RBM20: variants seen among roughly 807,000 people sequenced by gnomAD.
The protein encoded by RBM20 is RNA binding motif protein 20.
RBM20 carries 51 observed loss-of-function variants against 110.1 expected under a neutral mutation model. That is an observed-to-expected ratio of 0.46 (90% CI 0.37 to 0.59). The LOEUF is 0.59. Among genes scored for constraint, RBM20 ranks in the 20% least tolerant of loss-of-function variants. The probability of loss-of-function intolerance (pLI) is 0.00; values close to 1 mark genes in which losing one functional copy is unlikely to be tolerated. For missense variants in RBM20, 1,512 were observed against 1,574.9 expected, an observed-to-expected ratio of 0.96 and a Z score of 0.68; for synonymous variants, 589 against 618.2, an observed-to-expected ratio of 0.95 and a Z score of 0.70.
At chr10:110,662,012 G>GA (rs991849689) in intron 1 of RBM20, among the ~76,000 whole-genome samples, 96 of 145,200 alleles carry the variant, frequency 6.6e-4, no homozygotes, top group African/African-American at 9.4e-4. Flanking sequence ...CTGGTCTCAG[G>GA]AAAAAAAAAA....
At chr10:110,820,930 C>T (rs931126520) in intron 10 of RBM20, among the ~76,000 whole-genome samples, 1 of 152,148 alleles carries the variant, frequency 6.6e-6, no homozygotes, top group African/African-American at 2.4e-5. Flanking sequence ...TTAGTGATGA[C>T]CCAGATGCAA....
intron 9 of RBM20, among the ~76,000 whole-genome samples, chr10:110,816,801 C>G (rs12573386): frequency 0.31 from 47,246 of 152,088 alleles, 7,974 homozygotes; most frequent in Non-Finnish European, 0.38. Context: ...GGCCTGGCTT[C>G]TGAGAACCAG....
intron 1 of RBM20, among the ~76,000 whole-genome samples, chr10:110,683,699 A>G (rs1461317830): frequency 6.6e-6 from 1 of 152,230 alleles, no homozygotes; most frequent in East Asian, 1.9e-4. Flanking sequence ...AAGACTTCCA[A>G]TTCAACTTTC....
chr10:110,787,414 G>A (rs1002692207), intron 5 of RBM20, among the ~76,000 whole-genome samples: 6 of 152,188 alleles, frequency 3.9e-5, no homozygotes, highest in African/African-American at 1.2e-4. Context: ...CTTGAGTAAC[G>A]AGCGCTTTTA....
At chr10:110,785,446 C>T (rs1016235693) in intron 5 of RBM20, among the ~76,000 whole-genome samples, 6 of 152,094 alleles carry the variant, frequency 3.9e-5, no homozygotes, top group Admixed American at 2.6e-4. Flanking sequence ...GTCGCAGCTA[C>T]TTGGGAGGCT....
Position 110,739,835 on chromosome 10 carries a change from G to A in RBM20, c.192-40966G>A, listed in dbSNP as rs1171782889. Among the ~76,000 whole-genome samples the A allele has an allele frequency of 6.6e-6, 1 of 152,234 alleles. No individual in the cohort carries two copies. The highest frequency in any genetic ancestry group is 1.5e-5 in the Non-Finnish European group (1 of 68,038). ...GATTGTTGCGGTCATGAAGGCATGAGGCTTCTGTGCGACCTGGGTGACTAA... is the reference window on the plus strand; with the variant it reads ...GATTGTTGCGGTCATGAAGGCATGAAGCTTCTGTGCGACCTGGGTGACTAA... On this transcript the variant is annotated intron_variant, in intron 1 of 13. Transcript: ENST00000369519. The surrounding 1 kb of genome is among the most constrained non-coding windows in gnomAD (Gnocchi z 4.1).
At chr10:110,760,247 G>A (rs561360707) in intron 1 of RBM20, among the ~76,000 whole-genome samples, 4 of 152,170 alleles carry the variant, frequency 2.6e-5, no homozygotes, top group South Asian at 2.1e-4. Flanking sequence ...AGTGCTTCAC[G>A]AAGATCCCTC....
At chr10:110,728,944 G>A (rs1843592266) in intron 1 of RBM20, among the ~76,000 whole-genome samples, 1 of 152,184 alleles carries the variant, frequency 6.6e-6, no homozygotes, top group Non-Finnish European at 1.5e-5. Context: ...TCACACCCAG[G>A]CTGTGTGATC....
chr10:110,801,521 T>C (rs1282976076), intron 7 of RBM20, among the ~76,000 whole-genome samples: 1 of 152,062 alleles, frequency 6.6e-6, no homozygotes, highest in Non-Finnish European at 1.5e-5. Flanking sequence ...GAGAGTATCA[T>C]GGTTTATCAC....
intron 1 of RBM20, among the ~76,000 whole-genome samples, chr10:110,684,133 G>T (rs1257394680): frequency 6.6e-6 from 1 of 152,208 alleles, no homozygotes; most frequent in Non-Finnish European, 1.5e-5. Context: ...AGTGGCTCAT[G>T]CCTGTAATCC....
chr10:110,643,298 T>C (rs543015612), upstream of RBM20, among the ~76,000 whole-genome samples: 1 of 151,744 alleles, frequency 6.6e-6, no homozygotes, highest in African/African-American at 2.4e-5. Context: ...CCGCTTTCTC[T>C]GGTCTTTCTC....
chr10:110,677,607 C>T (rs1407893899), intron 1 of RBM20, among the ~76,000 whole-genome samples: 6 of 152,160 alleles, frequency 3.9e-5, no homozygotes, highest in Admixed American at 2.0e-4. Flanking sequence ...CGTGAGCCAC[C>T]GCGCCCAGCC....
chr10:110,766,954 G>A (rs1217657907), intron 1 of RBM20, among the ~76,000 whole-genome samples: 10 of 65,808 alleles, frequency 1.5e-4, no homozygotes, highest in African/African-American at 5.2e-4. Context: ...CGGGCGGGGG[G>A]TGACCCCCCC....
chr10:110,738,517 C>G (rs1450967141), intron 1 of RBM20, among the ~76,000 whole-genome samples: 1 of 152,158 alleles, frequency 6.6e-6, no homozygotes, highest in Non-Finnish European at 1.5e-5. Flanking sequence ...CCCGAACCCC[C>G]CGTGGAATGT....
chr10:110,690,523 AC>A (rs1210937874), intron 1 of RBM20, among the ~76,000 whole-genome samples: 54 of 152,260 alleles, frequency 3.5e-4, no homozygotes, highest in African/African-American at 1.2e-3. Context: ...GAAACTCTCT[AC>A]CCATTAAACA....
intron 1 of RBM20, among the ~76,000 whole-genome samples, chr10:110,726,920 C>T (rs998983299): frequency 6.6e-6 from 1 of 152,168 alleles, no homozygotes; most frequent in Admixed American, 6.5e-5. Context: ...AACCTTGGCT[C>T]ACTGCAACCT....
chr10:110,711,450 G>A (rs1372834801), intron 1 of RBM20, among the ~76,000 whole-genome samples: 1 of 152,076 alleles, frequency 6.6e-6, no homozygotes, highest in Non-Finnish European at 1.5e-5. Context: ...TGGCTGGGAG[G>A]AGGGGACAAA....
At position 110,736,345 on chromosome 10, in the gene RBM20, T is replaced by C. The variant is rs757501299; in HGVS notation, c.192-44456T>C. The stretch of plus-strand genomic sequence containing the variant: ...CCATTCCTTGCTTCTTTTTCCCTTC[T>C]TAGTCACACACTATCTGTGCGTGTC... On this transcript the variant is annotated intron_variant, in intron 1 of 13. Coordinates refer to ENST00000369519, the MANE Select transcript of RBM20 (RefSeq NM_001134363.3). Among the ~76,000 whole-genome samples, 4 of 151,884 alleles carry C rather than the reference T, an allele frequency of 2.6e-5. No individual in the cohort carries two copies. In the South Asian group the frequency reaches 8.3e-4, roughly 31 times the overall value.
chr10:110,727,886 G>A (rs1329878659), intron 1 of RBM20, among the ~76,000 whole-genome samples: 3 of 152,164 alleles, frequency 2.0e-5, no homozygotes, highest in African/African-American at 2.4e-5. Context: ...CCACTTATGA[G>A]TGAGAACATG....
Sources: gnomAD v4.1 joint callset for allele counts (sites outside exome capture counted in the v4.1 genomes callset) on GRCh38, gnomAD v4.1.1 for gene constraint, Gnocchi (gnomAD v3.1) non-coding constraint, MANE v1.5 for transcripts, NCBI Gene and HGNC (gene_info 2026-07-23, HGNC 2026-07-21) for gene names.